PDE4D: variants seen among roughly 807,000 people sequenced by gnomAD.
PDE4D encodes the protein phosphodiesterase 4D.
A neutral mutation model predicts 87.4 loss-of-function variants in PDE4D; 24 were observed. That is an observed-to-expected ratio of 0.27 (90% confidence interval 0.20 to 0.39). The LOEUF is 0.39. Among genes scored for constraint, PDE4D ranks in the 10% least tolerant of loss-of-function variants. PDE4D has a pLI of 1.00. For missense variants in PDE4D, 714 were observed against 1,041.0 expected (o/e 0.69, Z 4.32); for synonymous variants, 384 against 383.2 (o/e 1.00, Z -0.02).
intron 1 of PDE4D, among the ~76,000 whole-genome samples, chr5:59,532,386 C>G (rs1037922408): frequency 6.6e-6 from 1 of 152,164 alleles, no homozygotes; most frequent in African/African-American, 2.4e-5. Context: ...GATCTGCCTG[C>G]CTCAGCCTCC....
chr5:59,988,583 A>T, exon 3 of PDE4D: 1 of 1,599,476 alleles, frequency 6.3e-7, no homozygotes, highest in Admixed American at 1.7e-5. Flanking sequence ...TTTTCAAGTC[A>T]GCTTGTTCCA....
intron 1 of PDE4D, among the ~76,000 whole-genome samples, chr5:59,410,819 TA>T (rs72346273): frequency 0.068 from 10,279 of 152,200 alleles, 936 homozygotes; most frequent in African/African-American, 0.21. Flanking sequence ...GGAGTGCAGA[TA>T]TTTTTTTAGA....
chr5:59,072,257 A>G (rs1183515073), intron 5 of PDE4D, among the ~76,000 whole-genome samples: 2 of 152,072 alleles, frequency 1.3e-5, no homozygotes, highest in Non-Finnish European at 2.9e-5. Flanking sequence ...GGTTATATCA[A>G]TCTCCTGTCC....
At chr5:60,280,183 G>A (rs1751758746) in intron 1 of PDE4D, among the ~76,000 whole-genome samples, 1 of 152,038 alleles carries the variant, frequency 6.6e-6, no homozygotes, top group South Asian at 2.1e-4. Context: ...CATTCCTAGA[G>A]TAAGGAATCT....
At chr5:59,664,981 T>A (rs1257315801) in intron 1 of PDE4D, among the ~76,000 whole-genome samples, 1 of 152,210 alleles carries the variant, frequency 6.6e-6, no homozygotes, top group Non-Finnish European at 1.5e-5. Flanking sequence ...GAGTCATACA[T>A]CTAATTACCA....
chr5:60,075,162 T>C (rs1249663323), intron 2 of PDE4D, among the ~76,000 whole-genome samples: 3 of 152,202 alleles, frequency 2.0e-5, no homozygotes, highest in Non-Finnish European at 2.9e-5. Flanking sequence ...TCTTTCCTTT[T>C]CATATTTAGT....
At position 60,362,210 on chromosome 5, in the gene PDE4D, C is replaced by T. The variant is rs139133714; in HGVS notation, c.-90+125732G>A. ...AAATAAACCAAAAAGTGTCATGAGA[C>T]CCACCTTCCCTATGTCTGATCTGTT... On this transcript the variant is annotated intron_variant, in intron 1 of 16. Transcript: ENST00000502484. Among the ~76,000 whole-genome samples the T allele has an allele frequency of 3.1e-3, 471 of 152,310 alleles. 2 individuals carry two copies. The highest frequency in any genetic ancestry group is 3.8e-3 in the Non-Finnish European group (260 of 68,038).
intron 2 of PDE4D, among the ~76,000 whole-genome samples, chr5:60,012,996 G>C (rs950929896): frequency 6.6e-6 from 1 of 152,098 alleles, no homozygotes; most frequent in African/African-American, 2.4e-5. Flanking sequence ...GCGCCCCATA[G>C]CTATTTGTCT....
intron 1 of PDE4D, among the ~76,000 whole-genome samples, chr5:60,407,733 G>A (rs967422735): frequency 1.3e-5 from 2 of 151,970 alleles, no homozygotes; most frequent in Admixed American, 6.5e-5. Context: ...GATTACAGGC[G>A]TGAGCCACCA....
At chr5:60,451,267 T>C (rs894008026) in intron 1 of PDE4D, among the ~76,000 whole-genome samples, 1 of 152,174 alleles carries the variant, frequency 6.6e-6, no homozygotes, top group Admixed American at 6.6e-5. Flanking sequence ...GTAATAGTTG[T>C]ACATATTTGG....
intron 1 of PDE4D, among the ~76,000 whole-genome samples, chr5:59,639,481 G>C (rs1741170977): frequency 6.6e-6 from 1 of 152,154 alleles, no homozygotes; most frequent in Non-Finnish European, 1.5e-5. Context: ...AGATGAGGGA[G>C]AGCAGAAAGG....
intron 1 of PDE4D, chr5:60,430,709 C>T: frequency 7.3e-6 from 2 of 273,670 alleles, no homozygotes; most frequent in Non-Finnish European, 1.4e-5. Flanking sequence ...GTGTTTGCGT[C>T]CCTGGGTACT....
chr5:59,392,820 C>T (rs1012019063), intron 1 of PDE4D, among the ~76,000 whole-genome samples: 30 of 152,114 alleles, frequency 2.0e-4, no homozygotes, highest in African/African-American at 7.2e-4. Flanking sequence ...GGGAGAGTGA[C>T]AGGATCAAAT....
At chr5:59,834,721 G>T (rs1741746093) in intron 1 of PDE4D, among the ~76,000 whole-genome samples, 1 of 152,012 alleles carries the variant, frequency 6.6e-6, no homozygotes, top group Non-Finnish European at 1.5e-5. Context: ...ATACATTTCT[G>T]AACTGTAAAT....
At chr5:59,793,776 A>G (rs1386934096) in intron 1 of PDE4D, among the ~76,000 whole-genome samples, 1 of 152,208 alleles carries the variant, frequency 6.6e-6, no homozygotes, top group Non-Finnish European at 1.5e-5. Context: ...ACATTTATCT[A>G]TATATGAAAT....
At chr5:59,791,302 T>C (rs1289332306) in intron 1 of PDE4D, among the ~76,000 whole-genome samples, 1 of 152,240 alleles carries the variant, frequency 6.6e-6, no homozygotes, top group Admixed American at 6.5e-5. Context: ...CTCTACTTGA[T>C]CTTAGCCAAA....
chr5:59,418,942 C>T (rs1794065270), intron 1 of PDE4D, among the ~76,000 whole-genome samples: 1 of 152,186 alleles, frequency 6.6e-6, no homozygotes, highest in African/African-American at 2.4e-5. Context: ...GAGTCACTCA[C>T]TGCACCTGGC....
At chr5:59,915,540 T>C (rs1002600856) in intron 3 of PDE4D, among the ~76,000 whole-genome samples, 4 of 152,236 alleles carry the variant, frequency 2.6e-5, no homozygotes, top group African/African-American at 9.6e-5. Flanking sequence ...TGGTTTGCCT[T>C]AGTTTTACAG....
intron 2 of PDE4D, among the ~76,000 whole-genome samples, chr5:60,034,883 T>C (rs1001419543): frequency 6.6e-6 from 1 of 152,206 alleles, no homozygotes; most frequent in Non-Finnish European, 1.5e-5. Context: ...GACACAGTTC[T>C]GAAGCCCTCA....
Sources: gnomAD v4.1 joint callset for allele counts (sites outside exome capture counted in the v4.1 genomes callset) on GRCh38, gnomAD v4.1.1 for gene constraint, MANE v1.5 for transcripts, NCBI Gene and HGNC (gene_info 2026-07-23, HGNC 2026-07-21) for gene names.